The following SETBP1 variants were observed in gnomAD, a reference collection of about 807,000 sequenced individuals.
SETBP1 encodes the protein SET binding protein 1, also known as SET-binding protein.
SETBP1 carries 9 observed loss-of-function variants against 101.0 expected under a neutral mutation model. The observed-to-expected ratio is 0.09, with a 90% CI of 0.05 to 0.16. The LOEUF is 0.16. SETBP1 is among the 10% of genes least tolerant of loss of function. The pLI is 1.00. For synonymous variants in SETBP1, 818 were observed against 788.5 expected (o/e 1.04, Z -0.63); for missense variants, 1,858 against 2,033.8 (o/e 0.91, Z 1.66).
chr18:44,983,017 G>A (rs2145244316), intron 4 of SETBP1, among the ~76,000 whole-genome samples: 1 of 152,220 alleles, frequency 6.6e-6, no homozygotes, highest in East Asian at 1.9e-4. Context: ...CCCCTGAGAA[G>A]TCACCGAAAA....
At chr18:45,014,990 C>T (rs1409291350) in intron 4 of SETBP1, among the ~76,000 whole-genome samples, 7 of 152,176 alleles carry the variant, frequency 4.6e-5, no homozygotes, top group Non-Finnish European at 1.0e-4. Flanking sequence ...CTTCAAACAG[C>T]CAGTGGGGTG....
chr18:45,022,274 C>G (rs1441712621), intron 4 of SETBP1, among the ~76,000 whole-genome samples: 2 of 152,204 alleles, frequency 1.3e-5, no homozygotes, highest in African/African-American at 4.8e-5. Context: ...CCTGGCCACC[C>G]CAGAAACCTG....
intron 2 of SETBP1, among the ~76,000 whole-genome samples, chr18:44,735,597 G>A (rs2069947213): frequency 6.6e-6 from 1 of 152,196 alleles, no homozygotes; most frequent in Non-Finnish European, 1.5e-5. Context: ...TTAGGCGGGG[G>A]TACCTATGAT....
chr18:44,753,601 A>G (rs755374685), intron 2 of SETBP1, among the ~76,000 whole-genome samples: 1 of 152,256 alleles, frequency 6.6e-6, no homozygotes, highest in Admixed American at 6.5e-5. Context: ...GCATATGGGC[A>G]TTGGCCACCC....
intron 3 of SETBP1, among the ~76,000 whole-genome samples, chr18:44,932,597 T>C (rs1201940188): frequency 3.3e-5 from 5 of 152,232 alleles, no homozygotes; most frequent in African/African-American, 4.8e-5. Context: ...AGATTTGGTC[T>C]TTTCACATAG....
chr18:44,710,224 A>G (rs548232881), intron 2 of SETBP1, among the ~76,000 whole-genome samples: 2 of 152,134 alleles, frequency 1.3e-5, no homozygotes, highest in Admixed American at 6.5e-5. Context: ...AAAACATCCT[A>G]CCTTCAAGCT....
chr18:44,739,425 C>T (rs1022854171), intron 2 of SETBP1, among the ~76,000 whole-genome samples: 9 of 152,150 alleles, frequency 5.9e-5, no homozygotes, highest in Admixed American at 2.6e-4. Flanking sequence ...CCTCCAAGCA[C>T]AATTCTTTAT....
intron 3 of SETBP1, among the ~76,000 whole-genome samples, chr18:44,939,595 T>A (rs2071041293): frequency 6.6e-6 from 1 of 152,204 alleles, no homozygotes; most frequent in African/African-American, 2.4e-5. Flanking sequence ...GTGGAATTGC[T>A]GGGTCTCAGG....
chr18:44,890,915 G>A (rs1056513717), intron 3 of SETBP1, among the ~76,000 whole-genome samples: 36 of 151,988 alleles, frequency 2.4e-4, no homozygotes, highest in Admixed American at 1.3e-3. Flanking sequence ...TAGGGTTCTT[G>A]GCAAACACTA....
intron 2 of SETBP1, among the ~76,000 whole-genome samples, chr18:44,815,237 C>T (rs552829226): frequency 4.6e-5 from 7 of 152,186 alleles, no homozygotes; most frequent in Admixed American, 1.3e-4. Context: ...TGAACTCTTT[C>T]GATGAGGAAA....
At chr18:44,752,657 AACTG>A (rs1324722885) in intron 2 of SETBP1, among the ~76,000 whole-genome samples, 1 of 152,196 alleles carries the variant, frequency 6.6e-6, no homozygotes, top group Non-Finnish European at 1.5e-5. Flanking sequence ...ACTCTTGTGT[AACTG>A]ACTGGGGGCT....
At chr18:44,990,026 T>A (rs1172981719) in intron 4 of SETBP1, among the ~76,000 whole-genome samples, 1 of 151,352 alleles carries the variant, frequency 6.6e-6, no homozygotes, top group African/African-American at 2.4e-5. Context: ...TGAAATCTAG[T>A]ATATGGTTAA....
At chr18:45,054,191 A>ATTT (rs754973461) in intron 5 of SETBP1, among the ~76,000 whole-genome samples, 2 of 145,338 alleles carry the variant, frequency 1.4e-5, no homozygotes, top group African/African-American at 5.0e-5. Context: ...GAAGCCACTA[A>ATTT]TTTTTTTTTT....
chr18:44,938,117 A>T (rs1435871922), intron 3 of SETBP1, among the ~76,000 whole-genome samples: 1 of 152,080 alleles, frequency 6.6e-6, no homozygotes, highest in African/African-American at 2.4e-5. Flanking sequence ...CATGGTCAGG[A>T]CCACTCTGGA....
chr18:44,869,262 C>T lies in SETBP1; in HGVS notation c.519C>T (p.Asp173=). ...LLTASDLAAS[D]LKGFQPQAYE... ...CAGCCAGTGACCTTGCAGCCAGTGA[C>T]CTCAAAGGATTTCAGCCACAGGTAA... The change falls in exon 3 of 6, where the codon GAC becomes GAT. Residue 173 remains aspartate, a synonymous_variant. Transcript: ENST00000649279. 2.5e-6 allele frequency: 4 copies of T among 1,614,072 alleles called. No homozygotes were observed. The highest frequency in any genetic ancestry group is 2.2e-5 in the South Asian group (2 of 91,078).
chr18:44,851,163 C>T (rs1012690922), intron 2 of SETBP1, among the ~76,000 whole-genome samples: 1 of 151,992 alleles, frequency 6.6e-6, no homozygotes, highest in Non-Finnish European at 1.5e-5. Context: ...AATTATTTAC[C>T]CTTCAACCCA....
chr18:44,856,454 C>G (rs1407168437), intron 2 of SETBP1, among the ~76,000 whole-genome samples: 2 of 152,204 alleles, frequency 1.3e-5, no homozygotes, highest in Non-Finnish European at 2.9e-5. Context: ...CCAGCCCTTC[C>G]TGTTTTTCAT....
At chr18:44,776,713 A>C (rs2071012054) in intron 2 of SETBP1, among the ~76,000 whole-genome samples, 2 of 152,232 alleles carry the variant, frequency 1.3e-5, no homozygotes, top group African/African-American at 4.8e-5. Context: ...AAACACCTTA[A>C]ATAATAATGC....
intron 2 of SETBP1, among the ~76,000 whole-genome samples, chr18:44,868,262 A>G (rs2069173135): frequency 6.6e-6 from 1 of 152,252 alleles, no homozygotes; most frequent in Non-Finnish European, 1.5e-5. Context: ...AAATGATAAA[A>G]TCCTAATAGT....
Sources: allele counts gnomAD v4.1 joint callset (sites outside exome capture counted in the v4.1 genomes callset), GRCh38; gene constraint gnomAD v4.1.1; transcripts MANE v1.5; gene names NCBI Gene and HGNC (gene_info 2026-07-23, HGNC 2026-07-21).